Variants in BCAS3 observed in about 807,000 individuals in gnomAD.
BCAS3 encodes the protein BCAS3 microtubule associated cell migration factor.
Under a neutral mutation model 116.1 loss-of-function variants are expected in BCAS3, and 53 were observed. The ratio of observed to expected loss-of-function variants is 0.46; its 90% CI spans 0.37 to 0.57. The LOEUF (loss-of-function observed/expected upper bound fraction) is 0.57, where lower values mean the gene tolerates loss of function less well. BCAS3 is among the 20% of genes least tolerant of loss of function. The pLI is 0.00. For synonymous variants in BCAS3, 391 were observed against 408.2 expected, an observed-to-expected ratio of 0.96 and a Z score of 0.51; for missense variants, 917 against 1,165.4, an observed-to-expected ratio of 0.79 and a Z score of 3.10.
At chr17:61,232,010 G>A (rs1354218762) in intron 22 of BCAS3, among the ~76,000 whole-genome samples, 3 of 151,540 alleles carry the variant, frequency 2.0e-5, no homozygotes, top group East Asian at 3.9e-4. Flanking sequence ...TTCAAGACCA[G>A]CCTGGCCAAT....
chr17:61,005,931 G>A (rs150014520), intron 15 of BCAS3, among the ~76,000 whole-genome samples: 7,829 of 151,876 alleles, frequency 0.052, 727 homozygotes, highest in African/African-American at 0.18. Flanking sequence ...ATATCTCCCA[G>A]TGCTATCCCT....
Position 61,391,656 on chromosome 17 carries a change from G to A in BCAS3, c.2594-321G>A, listed in dbSNP as rs112065750. 4.0e-3 allele frequency: 1,091 copies of A among 273,418 alleles called. 12 individuals are homozygous for A. The highest frequency in any genetic ancestry group is 0.022 in the African/African-American group (988 of 45,076). 16.9% of individuals were successfully genotyped at this position (273,418 alleles called of 1,614,324 possible). On this transcript the variant is annotated intron_variant, in intron 23 of 23. Transcript: ENST00000407086. The surrounding 1 kb of genome is among the most constrained non-coding windows in gnomAD (Gnocchi z 7.7). ...TGGCTGAGCATGAGTGTGTGCAGGC[G>A]TGGGTACGGGCTCATGAAGAGCTGT...
intron 6 of BCAS3, among the ~76,000 whole-genome samples, chr17:60,766,495 C>G (rs1298928330): frequency 6.6e-6 from 1 of 152,110 alleles, no homozygotes; most frequent in East Asian, 1.9e-4. Context: ...CACTCCAGAC[C>G]CTCTTTGCCT....
chr17:61,164,966 A>G (rs1291985771), intron 22 of BCAS3, among the ~76,000 whole-genome samples: 1 of 151,908 alleles, frequency 6.6e-6, no homozygotes, highest in African/African-American at 2.4e-5. Context: ...AAAGGTGAAC[A>G]AACAAACAAA....
At chr17:60,767,600 G>C (rs1461669654) in intron 6 of BCAS3, among the ~76,000 whole-genome samples, 1 of 151,940 alleles carries the variant, frequency 6.6e-6, no homozygotes, top group African/African-American at 2.4e-5. Context: ...ACCCTCTTCA[G>C]CCTCCCAAAG....
chr17:60,757,653 G>C (rs962154507), intron 6 of BCAS3, among the ~76,000 whole-genome samples: 1 of 151,986 alleles, frequency 6.6e-6, no homozygotes, highest in Non-Finnish European at 1.5e-5. Context: ...GTATACTCTG[G>C]ATATTAGTCC....
rs1205275224 is a variant in BCAS3 at position 61,302,365 on chromosome 17, G to A, written c.2426-65962G>A. 1.3e-5 allele frequency among the ~76,000 whole-genome samples: 2 copies of A among 152,140 alleles called. No homozygotes were observed. The highest frequency in any genetic ancestry group is 4.8e-5 in the African/African-American group (2 of 41,426). ...TCATGTCCACTTAATGTGAAAATTG[G>A]TACCATCTAATAGAATCTTCAACAT... On this transcript the variant is annotated intron_variant, in intron 22 of 23. Transcript: ENST00000407086. This position sits in a 1 kb window ranked among gnomAD's most constrained non-coding sequence, Gnocchi z 4.4.
At chr17:60,689,782 G>C in intron 4 of BCAS3, 21 bp downstream of exon 4, 1 of 1,521,444 alleles carries the variant, frequency 6.6e-7, no homozygotes, top group South Asian at 1.1e-5. Context: ...AACTTTTTTT[G>C]GGACGTGTGA....
chr17:61,387,520 G>C lies in BCAS3; in HGVS notation c.2594-4457G>C, dbSNP rs1164574167. ...GAACAGTAGTGCCAAGGATCCGGCT[G>C]TCTCATCCTTCACTTGTTTCATGAG... On this transcript the variant is annotated intron_variant, in intron 23 of 23. Transcript: ENST00000407086. This position sits in a 1 kb window ranked among gnomAD's most constrained non-coding sequence, Gnocchi z 6.2. Among the ~76,000 whole-genome samples the C allele has an allele frequency of 6.6e-6, 1 of 152,136 alleles. No homozygotes were observed. Among genetic ancestry groups the C allele is most frequent in the African/African-American group, 2.4e-5 (1 of 41,430 alleles).
rs141440162 is a variant in BCAS3 at position 61,134,449 on chromosome 17, G to A, written c.2425+49885G>A. Reference sequence around the variant, plus strand: ...ACGCATGTCTGACTCCAGAGCCCTCGCTTTTTACACCAGCCTCTACTATCT... The same window carrying A: ...ACGCATGTCTGACTCCAGAGCCCTCACTTTTTACACCAGCCTCTACTATCT... On this transcript the variant is annotated intron_variant, in intron 22 of 23. Transcript: ENST00000407086. This position sits in a 1 kb window ranked among gnomAD's most constrained non-coding sequence, Gnocchi z 4.6. Among the ~76,000 whole-genome samples, 163 of 152,252 alleles carry A rather than the reference G, an allele frequency of 1.1e-3. 1 individual carries two copies. The highest frequency in any genetic ancestry group is 1.6e-3 in the Non-Finnish European group (107 of 68,018).
rs960375942 is a variant in BCAS3, at chr17:61,026,261, G to C, written c.1638-8405G>C. 2.0e-5 allele frequency among the ~76,000 whole-genome samples: 3 copies of C among 152,038 alleles called. No individual in the cohort carries two copies. The highest frequency in any genetic ancestry group is 4.4e-5 in the Non-Finnish European group (3 of 67,968). On this transcript the variant is annotated intron_variant, in intron 16 of 23. Transcript: ENST00000407086. The surrounding 1 kb of genome is among the most constrained non-coding windows in gnomAD (Gnocchi z 5.0). ...AGCTAACCTCTTAGACCACTATTAAGAGATATCCTAATTTCCTGGATTATG... is the reference window on the plus strand; with the variant it reads ...AGCTAACCTCTTAGACCACTATTAACAGATATCCTAATTTCCTGGATTATG...
At chr17:61,035,745 G>A (rs866811662) in intron 17 of BCAS3, among the ~76,000 whole-genome samples, 1 of 152,102 alleles carries the variant, frequency 6.6e-6, no homozygotes, top group African/African-American at 2.4e-5. Flanking sequence ...CGGATGGTAC[G>A]GAGCCCTATA....
In BCAS3 at chr17:61,188,007, C is replaced by G. The variant is rs1440467352; in HGVS notation, c.2425+103443C>G. Among the ~76,000 whole-genome samples, 2 of 152,122 alleles carry G rather than the reference C, an allele frequency of 1.3e-5. No individual in the cohort carries two copies. The highest frequency in any genetic ancestry group is 2.9e-5 in the Non-Finnish European group (2 of 68,010). On this transcript the variant is annotated intron_variant, in intron 22 of 23. Transcript: ENST00000407086. The surrounding 1 kb of genome is among the most constrained non-coding windows in gnomAD (Gnocchi z 4.0). ...CTAGCCCCCATCCTAGTCCTCAAAACAATGTTAACTTTTTCTAAAATTTAA... is the reference window on the plus strand; with the variant it reads ...CTAGCCCCCATCCTAGTCCTCAAAAGAATGTTAACTTTTTCTAAAATTTAA...
intron 6 of BCAS3, among the ~76,000 whole-genome samples, chr17:60,754,515 G>A (rs2042804374): frequency 6.6e-6 from 1 of 152,268 alleles, no homozygotes. Flanking sequence ...AGGACTACAG[G>A]TGTAATCCTC....
intron 22 of BCAS3, among the ~76,000 whole-genome samples, chr17:61,293,287 C>T (rs1361320553): frequency 6.6e-6 from 1 of 152,076 alleles, no homozygotes; most frequent in African/African-American, 2.4e-5. Flanking sequence ...TATTAGAAAT[C>T]GTGCAGGTTG....
chr17:61,304,293 C>A lies in BCAS3; in HGVS notation c.2426-64034C>A, dbSNP rs150194796. ...CTACCCATCTAAAGTTGTTGAGAGG[C>A]TGCATTTGCCCACAGTAAGAAACTC... On this transcript the variant is annotated intron_variant, in intron 22 of 23. Transcript: ENST00000407086. 6.1e-4 allele frequency among the ~76,000 whole-genome samples: 93 copies of A among 152,352 alleles called. 1 individual carries two copies. The highest frequency in any genetic ancestry group is 2.2e-3 in the African/African-American group (93 of 41,578).
At chr17:60,712,391 A>G (rs2144031181) in intron 5 of BCAS3, among the ~76,000 whole-genome samples, 1 of 152,102 alleles carries the variant, frequency 6.6e-6, no homozygotes, top group South Asian at 2.1e-4. Flanking sequence ...GGAAAAAAAA[A>G]AAAGACAATC....
At chr17:61,049,358 A>G (rs897562000) in intron 19 of BCAS3, among the ~76,000 whole-genome samples, 5 of 151,990 alleles carry the variant, frequency 3.3e-5, no homozygotes, top group African/African-American at 1.2e-4. Flanking sequence ...GTGAACTTGA[A>G]GATAGAGCAA....
In BCAS3 at chr17:60,747,209, A is replaced by G; in HGVS notation, c.333A>G (p.Glu111=). ...MQVWSIPISG[E]AQELFSVRHG... ...CTTCTCTTATGCAGATCAGTGGTGA[A>G]GCACAAGAGCTCTTCTCTGTTCGAC... The change falls in exon 6 of 24, where the codon GAA becomes GAG. Residue 111 remains glutamate (E), a synonymous_variant. Coordinates refer to ENST00000407086, the MANE Select transcript of BCAS3 (RefSeq NM_017679.5). The G allele has an allele frequency of 6.2e-7, 1 of 1,612,180 alleles. No homozygotes were observed. The highest frequency in any genetic ancestry group is 8.5e-7 in the Non-Finnish European group (1 of 1,178,390).
Sources: allele counts gnomAD v4.1 joint callset (sites outside exome capture counted in the v4.1 genomes callset), GRCh38; gene constraint gnomAD v4.1.1; non-coding constraint Gnocchi (gnomAD v3.1); transcripts MANE v1.5; gene names NCBI Gene and HGNC (gene_info 2026-07-23, HGNC 2026-07-21).